NECAB1: variants seen among roughly 807,000 people sequenced by gnomAD.
NECAB1 encodes N-terminal EF-hand calcium-binding protein 1.
NECAB1 carries 29 observed loss-of-function variants against 57.5 expected under a neutral mutation model. The observed-to-expected ratio is 0.50, with a 90% confidence interval of 0.38 to 0.69. The LOEUF is 0.69. Among genes scored for constraint, NECAB1 ranks in the 30% least tolerant of loss-of-function variants. The probability of loss-of-function intolerance (pLI) is 0.00; values close to 1 mark genes in which losing one functional copy is unlikely to be tolerated. For missense variants in NECAB1, 372 were observed against 413.8 expected, an observed-to-expected ratio of 0.90 and a Z score of 0.88; for synonymous variants, 142 against 147.7, an observed-to-expected ratio of 0.96 and a Z score of 0.28.
At chr8:90,949,265 G>A (rs1194411950) in intron 10 of NECAB1, among the ~76,000 whole-genome samples, 1 of 151,358 alleles carries the variant, frequency 6.6e-6, no homozygotes, top group Non-Finnish European at 1.5e-5. Flanking sequence ...GAGCCACTAG[G>A]TATTGGCAAA....
At chr8:90,818,031 T>G (rs1812086678) in intron 2 of NECAB1, among the ~76,000 whole-genome samples, 1 of 151,916 alleles carries the variant, frequency 6.6e-6, no homozygotes, top group South Asian at 2.1e-4. Flanking sequence ...TTTTGTGTCT[T>G]TCAATGAATT....
At chr8:90,927,840 A>G (rs1451379249) in intron 7 of NECAB1, among the ~76,000 whole-genome samples, 2 of 147,030 alleles carry the variant, frequency 1.4e-5, no homozygotes, top group African/African-American at 5.2e-5. Context: ...ACACCTTGCT[A>G]TGGTCAGGGG....
At chr8:90,895,416 A>C (rs1357501379) in intron 5 of NECAB1, among the ~76,000 whole-genome samples, 1 of 152,196 alleles carries the variant, frequency 6.6e-6, no homozygotes, top group Non-Finnish European at 1.5e-5. Flanking sequence ...AAAAGCAAAA[A>C]AGAAACAAAC....
chr8:90,877,570 T>C (rs889564421), intron 4 of NECAB1, among the ~76,000 whole-genome samples: 1 of 152,180 alleles, frequency 6.6e-6, no homozygotes, highest in Admixed American at 6.5e-5. Context: ...GGGGGTCTTA[T>C]TAAAATGCAG....
Position 90,929,156 on chromosome 8 carries a change from A to G in NECAB1, c.693+857A>G, listed in dbSNP as rs1810347741. On this transcript the variant is annotated intron_variant, in intron 8 of 12. Coordinates refer to ENST00000417640, the MANE Select transcript of NECAB1 (RefSeq NM_022351.5). ...TAGCACAGAATGGGATTCATAGTTC[A>G]TGGTCAGTAAGTATTTGAATGACTG... Among the ~76,000 whole-genome samples, 2 of 152,180 alleles carry G rather than the reference A, an allele frequency of 1.3e-5. 1 individual carries two copies. Among genetic ancestry groups the G allele is most frequent in the South Asian group, 4.1e-4 (2 of 4,832 alleles).
intron 6 of NECAB1, among the ~76,000 whole-genome samples, 191 bp from the exon 7 acceptor site, chr8:90,925,342 TTC>T (rs1233602739): frequency 5.3e-5 from 8 of 152,220 alleles, no homozygotes; most frequent in African/African-American, 1.9e-4. Context: ...AAGCTCAGAA[TTC>T]TCTTTCTTAG....
chr8:90,887,807 T>G (rs1809043329), intron 5 of NECAB1, among the ~76,000 whole-genome samples: 1 of 152,222 alleles, frequency 6.6e-6, no homozygotes, highest in South Asian at 2.1e-4. Context: ...GGTCAGGTCA[T>G]GCTGACTGCA....
At chr8:90,845,817 T>C (rs1033671869) in intron 3 of NECAB1, among the ~76,000 whole-genome samples, 20 of 152,320 alleles carry the variant, frequency 1.3e-4, no homozygotes, top group African/African-American at 4.6e-4. Context: ...ATAGAAAAAA[T>C]TTTCCAAAGT....
At position 90,955,677 on chromosome 8, in the gene NECAB1, T is replaced by C. The variant is rs1462444336; in HGVS notation, c.*165T>C. On this transcript the variant is annotated 3_prime_UTR_variant, in exon 13 of 13. Transcript: ENST00000417640. Reference sequence around the variant, plus strand: ...CTTATTCTATAACTTTATCAATTCATGTGAATTTTAGCTCAATTTTCAAAG... The same window carrying C: ...CTTATTCTATAACTTTATCAATTCACGTGAATTTTAGCTCAATTTTCAAAG... 8 of 489,294 alleles carry C rather than the reference T, an allele frequency of 1.6e-5. No individual in the cohort carries two copies. Among genetic ancestry groups the C allele is most frequent in the African/African-American group, 4.0e-5 (2 of 49,868 alleles). The allele number at this position is 489,294 out of a possible 1,614,324, so 30.3% of individuals were successfully genotyped here.
At chr8:90,836,449 G>T (rs1178757496) in intron 3 of NECAB1, among the ~76,000 whole-genome samples, 1 of 152,090 alleles carries the variant, frequency 6.6e-6, no homozygotes, top group African/African-American at 2.4e-5. Context: ...TTATTTTAAG[G>T]TTCTCCTGGG....
At chr8:90,929,690 A>C (rs1810361407) in intron 8 of NECAB1, among the ~76,000 whole-genome samples, 1 of 152,206 alleles carries the variant, frequency 6.6e-6, no homozygotes, top group Non-Finnish European at 1.5e-5. Context: ...AGAAGAGATA[A>C]TTCAATGAAA....
At chr8:90,795,622 T>C (rs924227625) in intron 1 of NECAB1, among the ~76,000 whole-genome samples, 17 of 152,098 alleles carry the variant, frequency 1.1e-4, no homozygotes, top group Non-Finnish European at 7.4e-5. Context: ...CAGAGGAATG[T>C]CGAAGCCGAA....
chr8:90,834,314 AATGT>A (rs1812336073), intron 3 of NECAB1, among the ~76,000 whole-genome samples: 1 of 152,102 alleles, frequency 6.6e-6, no homozygotes, highest in Non-Finnish European at 1.5e-5. Context: ...CTATGGTCTG[AATGT>A]ATGTGTTTCT....
chr8:90,932,602 G>A (rs988933683), intron 8 of NECAB1, among the ~76,000 whole-genome samples: 2 of 152,144 alleles, frequency 1.3e-5, no homozygotes, highest in African/African-American at 4.8e-5. Context: ...TAAAGATTTA[G>A]GGATAGAGAA....
At chr8:90,888,371 C>G (rs1052117699) in intron 5 of NECAB1, among the ~76,000 whole-genome samples, 18 of 152,144 alleles carry the variant, frequency 1.2e-4, no homozygotes, top group Admixed American at 5.2e-4. Context: ...CTTTGAAATT[C>G]TAAAAGCTAG....
intron 7 of NECAB1, among the ~76,000 whole-genome samples, chr8:90,926,418 T>C (rs1441001184): frequency 6.6e-6 from 1 of 152,212 alleles, no homozygotes; most frequent in Admixed American, 6.5e-5. Context: ...AAAATAGATG[T>C]TAATTTCCCT....
At chr8:90,914,607 C>T (rs1809907482) in intron 5 of NECAB1, among the ~76,000 whole-genome samples, 1 of 152,102 alleles carries the variant, frequency 6.6e-6, no homozygotes, top group Non-Finnish European at 1.5e-5. Context: ...TGGGTTCTGC[C>T]ACTTTTCAAT....
In NECAB1 at chr8:90,841,272, A is replaced by C. The variant is rs974377401; in HGVS notation, c.233+16447A>C. Among the ~76,000 whole-genome samples, 213 of 152,040 alleles carry C rather than the reference A, an allele frequency of 1.4e-3. 1 individual carries two copies. The highest frequency in any genetic ancestry group is 5.0e-3 in the African/African-American group (209 of 41,464). On this transcript the variant is annotated intron_variant, in intron 3 of 12. Coordinates refer to ENST00000417640, the MANE Select transcript of NECAB1 (RefSeq NM_022351.5). ...GAGACTCTGTCTCAAAAAAAATAAA[A>C]AAAAAAAAGGGACCAAGTAGTTGAG...
At chr8:90,813,234 TACACACACACACAC>T (rs398008736) in intron 2 of NECAB1, 4 of 85,532 alleles carry the variant, frequency 4.7e-5, no homozygotes, top group African/African-American at 1.4e-4. Context: ...TATGTATATA[TACACACACACACAC>T]ACACACACAC....
Sources: gnomAD v4.1 joint callset for allele counts (sites outside exome capture counted in the v4.1 genomes callset) on GRCh38, gnomAD v4.1.1 for gene constraint, MANE v1.5 for transcripts, NCBI Gene and HGNC (gene_info 2026-07-23, HGNC 2026-07-21) for gene names.